The following LIMCH1 variants were observed in gnomAD, a reference collection of about 807,000 sequenced individuals.
The protein encoded by LIMCH1 is LIM and calponin homology domains-containing protein 1.
LIMCH1 carries 113 observed loss-of-function variants against 176.5 expected under a neutral mutation model. That is an observed-to-expected ratio of 0.64 (90% CI 0.55 to 0.75). The LOEUF (loss-of-function observed/expected upper bound fraction) is 0.75, where lower values mean the gene tolerates loss of function less well. Among genes scored for constraint, LIMCH1 ranks in the 30% least tolerant of loss-of-function variants. LIMCH1 has a pLI of 0.00. For synonymous variants in LIMCH1, 619 were observed against 645.9 expected, an observed-to-expected ratio of 0.96 and a Z score of 0.63; for missense variants, 1,674 against 1,814.9, an observed-to-expected ratio of 0.92 and a Z score of 1.41.
At chr4:41,565,208 TC>T (rs1300731371) in intron 1 of LIMCH1, among the ~76,000 whole-genome samples, 3 of 152,150 alleles carry the variant, frequency 2.0e-5, no homozygotes, top group Non-Finnish European at 4.4e-5. Context: ...GGTTTTCTTT[TC>T]TAGTTGTCAC....
intron 1 of LIMCH1, among the ~76,000 whole-genome samples, chr4:41,404,810 A>G (rs1455409722): frequency 6.6e-6 from 1 of 152,118 alleles, no homozygotes; most frequent in African/African-American, 2.4e-5. Flanking sequence ...GATTAACAAT[A>G]TTGCATATGG....
chr4:41,639,693 G>A (rs537327473), intron 14 of LIMCH1, among the ~76,000 whole-genome samples: 1 of 152,220 alleles, frequency 6.6e-6, no homozygotes, highest in South Asian at 2.1e-4. Flanking sequence ...AGATCATTCT[G>A]CAACTGATAT....
intron 1 of LIMCH1, among the ~76,000 whole-genome samples, chr4:41,400,201 CAGT>C (rs956932141): frequency 1.5e-4 from 23 of 151,904 alleles, no homozygotes; most frequent in African/African-American, 5.6e-4. Flanking sequence ...TTTAAAGAAA[CAGT>C]AGCAATAGGG....
chr4:41,429,741 G>C (rs1383395829), intron 1 of LIMCH1, among the ~76,000 whole-genome samples: 3 of 152,198 alleles, frequency 2.0e-5, no homozygotes, highest in Admixed American at 1.3e-4. Context: ...TGATACCCAA[G>C]TCTCAGTTGC....
chr4:41,460,827 C>A (rs1156467325), intron 1 of LIMCH1, among the ~76,000 whole-genome samples: 1 of 152,060 alleles, frequency 6.6e-6, no homozygotes, highest in Non-Finnish European at 1.5e-5. Flanking sequence ...AGCCAGAGCG[C>A]CATGCATGCT....
At chr4:41,646,423 C>T in intron 16 of LIMCH1, 62 bp from the exon 17 acceptor site, 1 of 1,569,406 alleles carries the variant, frequency 6.4e-7, no homozygotes, top group Non-Finnish European at 8.7e-7. Context: ...TTCGTTTCTA[C>T]CAAGGTCTTC....
intron 18 of LIMCH1, among the ~76,000 whole-genome samples, chr4:41,657,634 C>G (rs1429704145): frequency 6.6e-6 from 1 of 152,144 alleles, no homozygotes; most frequent in Non-Finnish European, 1.5e-5. Flanking sequence ...AAATTGCTTG[C>G]TTTTTCTCTT....
intron 4 of LIMCH1, among the ~76,000 whole-genome samples, chr4:41,611,490 G>C (rs1337210987): frequency 6.6e-6 from 1 of 152,232 alleles, no homozygotes; most frequent in Non-Finnish European, 1.5e-5. Context: ...TAGAGAAGAT[G>C]CTGATGGTGG....
chr4:41,557,574 G>GTA (rs1176768705), intron 1 of LIMCH1, among the ~76,000 whole-genome samples: 2 of 151,872 alleles, frequency 1.3e-5, no homozygotes, highest in Admixed American at 6.6e-5. Flanking sequence ...GTGTGTGTGT[G>GTA]TAATTAGAAT....
chr4:41,503,242 C>T (rs2073687421), intron 2 of LIMCH1, among the ~76,000 whole-genome samples: 1 of 152,036 alleles, frequency 6.6e-6, no homozygotes, highest in Admixed American at 6.5e-5. Context: ...TGAATTGGGC[C>T]TGGTGCTCAT....
At chr4:41,600,128 G>A (rs4861120) in intron 2 of LIMCH1, among the ~76,000 whole-genome samples, 60,528 of 151,996 alleles carry the variant, frequency 0.4, 17,921 homozygotes, top group African/African-American at 0.84. Flanking sequence ...GTAGTGATCT[G>A]TTATCTAAAA....
intron 1 of LIMCH1, among the ~76,000 whole-genome samples, chr4:41,435,136 G>C (rs985552382): frequency 6.6e-6 from 1 of 152,122 alleles, no homozygotes; most frequent in Non-Finnish European, 1.5e-5. Flanking sequence ...CCTCATAAGA[G>C]GGGGACTGGA....
chr4:41,448,744 C>T (rs1173764974), intron 1 of LIMCH1, among the ~76,000 whole-genome samples: 1 of 152,046 alleles, frequency 6.6e-6, no homozygotes, highest in African/African-American at 2.4e-5. Flanking sequence ...CCTTTCCTTT[C>T]TTGGGCTGAG....
At chr4:41,517,506 G>A (rs2075701906) in intron 2 of LIMCH1, among the ~76,000 whole-genome samples, 1 of 152,046 alleles carries the variant, frequency 6.6e-6, no homozygotes, top group African/African-American at 2.4e-5. Context: ...TCTTAGGTGT[G>A]CTCCAGGCAA....
intron 1 of LIMCH1, among the ~76,000 whole-genome samples, chr4:41,539,328 G>T (rs2078327693): frequency 6.6e-6 from 1 of 152,174 alleles, no homozygotes; most frequent in Non-Finnish European, 1.5e-5. Flanking sequence ...GGGAGAAGGG[G>T]TTTGTCCTGT....
upstream of LIMCH1, among the ~76,000 whole-genome samples, chr4:41,360,144 T>G (rs2051803020): frequency 6.6e-6 from 1 of 152,170 alleles, no homozygotes; most frequent in Middle Eastern, 3.4e-3. The surrounding 1 kb of genome is among the most constrained non-coding windows in gnomAD (Gnocchi z 4.5). Flanking sequence ...ATCGACAGAC[T>G]AGGACACAGG....
chr4:41,565,398 GACAC>G (rs147927797), intron 1 of LIMCH1, among the ~76,000 whole-genome samples: 139 of 131,260 alleles, frequency 1.1e-3, no homozygotes, highest in African/African-American at 2.8e-3. Flanking sequence ...CACACACACA[GACAC>G]ACACACACAC....
chr4:41,697,342 G>T lies in LIMCH1; in HGVS notation c.*157G>T. The T allele has an allele frequency of 2.8e-4, 131 of 467,748 alleles. No individual in the cohort carries two copies. Among genetic ancestry groups the T allele is most frequent in the South Asian group, 5.8e-4 (17 of 29,068 alleles). 29.0% of individuals were successfully genotyped at this position (467,748 alleles called of 1,614,324 possible). A position where few individuals can be genotyped will look rare whatever the true frequency, so the allele number is the denominator to read the frequency against. On this transcript the variant is annotated 3_prime_UTR_variant, in exon 32 of 32. Transcript: ENST00000503057. ...GGTATCTGTTCTTTCGTAGCACAGT[G>T]TTTATGTTTTTCCTGTTTATTGTTT...
At chr4:41,637,856 G>A (rs2093657071) in intron 13 of LIMCH1, among the ~76,000 whole-genome samples, 1 of 152,228 alleles carries the variant, frequency 6.6e-6, no homozygotes, top group South Asian at 2.1e-4. Flanking sequence ...AAGATTGCAG[G>A]AAGAGATGTT....
Sources: allele counts gnomAD v4.1 joint callset (sites outside exome capture counted in the v4.1 genomes callset), GRCh38; gene constraint gnomAD v4.1.1; non-coding constraint Gnocchi (gnomAD v3.1); transcripts MANE v1.5; gene names NCBI Gene and HGNC (gene_info 2026-07-23, HGNC 2026-07-21).